PDE1C: variants seen among roughly 807,000 people sequenced by gnomAD.
The protein encoded by PDE1C is dual specificity calcium/calmodulin-dependent 3',5'-cyclic nucleotide phosphodiesterase 1C.
A neutral mutation model predicts 93.1 loss-of-function variants in PDE1C; 62 were observed. That is an observed-to-expected ratio of 0.67 (90% confidence interval 0.54 to 0.82). The LOEUF (loss-of-function observed/expected upper bound fraction) is 0.82, where lower values mean the gene tolerates loss of function less well. PDE1C is among the 40% of genes least tolerant of loss of function. The pLI, the probability that PDE1C is intolerant of heterozygous loss-of-function variation, is 0.00. For synonymous variants in PDE1C, 325 were observed against 310.1 expected (o/e 1.05, Z -0.50); for missense variants, 742 against 884.6 (o/e 0.84, Z 2.04).
intron 7 of PDE1C, among the ~76,000 whole-genome samples, chr7:31,862,788 G>A (rs761327189): frequency 6.6e-6 from 1 of 152,098 alleles, no homozygotes; most frequent in Non-Finnish European, 1.5e-5. Flanking sequence ...CAGCATATAA[G>A]TTCTCAATAC....
At chr7:31,772,551 G>A (rs1436213735) in intron 17 of PDE1C, among the ~76,000 whole-genome samples, 1 of 151,022 alleles carries the variant, frequency 6.6e-6, no homozygotes, top group African/African-American at 2.4e-5. Flanking sequence ...TTTGTCTCTG[G>A]CACCAGTTTT....
intron 2 of PDE1C, among the ~76,000 whole-genome samples, chr7:31,945,553 C>A (rs1164793878): frequency 6.6e-6 from 1 of 152,098 alleles, no homozygotes; most frequent in Non-Finnish European, 1.5e-5. Context: ...TCATTCTACT[C>A]TTCTCACTCA....
intron 2 of PDE1C, among the ~76,000 whole-genome samples, chr7:32,206,131 C>A (rs1225963635): frequency 1.3e-5 from 2 of 152,002 alleles, no homozygotes; most frequent in Non-Finnish European, 1.5e-5. Context: ...GAATTCAAAC[C>A]CCGGCTTGAC....
intron 14 of PDE1C, among the ~76,000 whole-genome samples, chr7:31,819,869 G>GA (rs1249414518): frequency 6.6e-6 from 1 of 152,000 alleles, no homozygotes; most frequent in Non-Finnish European, 1.5e-5. Context: ...AAAAAACAGA[G>GA]AAAAGAGAGA....
At chr7:31,859,119 C>A (rs1794367793) in intron 7 of PDE1C, among the ~76,000 whole-genome samples, 1 of 147,824 alleles carries the variant, frequency 6.8e-6, no homozygotes, top group Non-Finnish European at 1.5e-5. Context: ...GATGTATTGA[C>A]TATATATATA....
rs368406121 is a variant in PDE1C at position 31,753,453 on chromosome 7, G to A, written c.2061C>T (p.Tyr687=). 2.5e-6 allele frequency: 4 copies of A among 1,612,666 alleles called. No individual in the cohort carries two copies. In the South Asian group the frequency reaches 4.4e-5, roughly 18 times the overall value. The change falls in exon 18 of 18, where the codon TAC becomes TAT. Residue 687 remains tyrosine, a synonymous_variant. Coordinates refer to ENST00000396191, the MANE Select transcript of PDE1C (RefSeq NM_001191057.4). ...TTTTGATCCTCTGATCCAGCATCTT[G>A]TACCTTGCAGGATGCTCATCAGTTT... ...SKKTDEHPAR[Y]KMLDQRIKMK... is the part of the protein sequence containing the mutation.
intron 1 of PDE1C, among the ~76,000 whole-genome samples, chr7:32,263,683 T>C (rs545831627): frequency 2.6e-5 from 4 of 152,324 alleles, no homozygotes; most frequent in African/African-American, 9.6e-5. Flanking sequence ...TAGCCCTATG[T>C]AATCAGGAGC....
intron 1 of PDE1C, among the ~76,000 whole-genome samples, chr7:32,240,945 G>T (rs1808502856): frequency 6.6e-6 from 1 of 152,188 alleles, no homozygotes; most frequent in Admixed American, 6.5e-5. Flanking sequence ...AGAATCTGTG[G>T]TTGGGTTGGA....
intron 2 of PDE1C, among the ~76,000 whole-genome samples, chr7:31,960,658 G>T (rs1808811621): frequency 6.6e-6 from 1 of 152,112 alleles, no homozygotes; most frequent in South Asian, 2.1e-4. Flanking sequence ...AGCAAAACTG[G>T]TAAAATATGA....
intron 1 of PDE1C, among the ~76,000 whole-genome samples, chr7:32,224,829 T>C (rs76810501): frequency 0.16 from 24,010 of 151,770 alleles, 2,165 homozygotes; most frequent in East Asian, 0.32. Context: ...GGAAAAACAA[T>C]TGGAAAATGG....
intron 2 of PDE1C, among the ~76,000 whole-genome samples, chr7:32,179,320 C>T (rs907194017): frequency 3.3e-4 from 47 of 143,798 alleles, no homozygotes; most frequent in South Asian, 4.4e-4. Context: ...AGTGCAGTGG[C>T]GTGATCTCAG....
intron 2 of PDE1C, among the ~76,000 whole-genome samples, chr7:31,904,764 A>G (rs1016808670): frequency 3.9e-5 from 6 of 152,256 alleles, no homozygotes; most frequent in South Asian, 4.1e-4. Flanking sequence ...TTTCATGCCT[A>G]TAACTGATTA....
chr7:31,986,304 T>C (rs1226348646), intron 2 of PDE1C, among the ~76,000 whole-genome samples: 1 of 151,804 alleles, frequency 6.6e-6, no homozygotes, highest in Non-Finnish European at 1.5e-5. Context: ...ATGGCTTTCT[T>C]CTCCCTATGG....
intron 2 of PDE1C, among the ~76,000 whole-genome samples, chr7:31,923,294 A>T (rs1442439244): frequency 6.6e-6 from 1 of 152,160 alleles, no homozygotes; most frequent in Non-Finnish European, 1.5e-5. Flanking sequence ...GCATGTTAGA[A>T]TCACTTGGAG....
At chr7:31,765,994 C>A (rs536664330) in intron 17 of PDE1C, among the ~76,000 whole-genome samples, 9 of 152,156 alleles carry the variant, frequency 5.9e-5, no homozygotes, top group African/African-American at 2.2e-4. Flanking sequence ...AATAATAGTA[C>A]CTCCCTTAGA....
chr7:31,890,138 G>C (rs887988713), intron 2 of PDE1C, among the ~76,000 whole-genome samples: 1 of 152,088 alleles, frequency 6.6e-6, no homozygotes, highest in African/African-American at 2.4e-5. Context: ...AAATAAAAAA[G>C]AATGAAAAAT....
At chr7:31,967,870 T>C (rs989852567) in intron 2 of PDE1C, among the ~76,000 whole-genome samples, 1 of 152,164 alleles carries the variant, frequency 6.6e-6, no homozygotes, top group Non-Finnish European at 1.5e-5. Context: ...CATTATTATC[T>C]CAATAGATGC....
intron 2 of PDE1C, among the ~76,000 whole-genome samples, chr7:31,992,785 T>G (rs575020837): frequency 1.1e-4 from 16 of 152,318 alleles, no homozygotes; most frequent in Non-Finnish European, 2.2e-4. Flanking sequence ...AACAAACACA[T>G]GCTGAACCCT....
At chr7:31,857,506 T>C (rs951345844) in intron 7 of PDE1C, among the ~76,000 whole-genome samples, 1 of 152,146 alleles carries the variant, frequency 6.6e-6, no homozygotes, top group African/African-American at 2.4e-5. Context: ...TTACCTGGAT[T>C]TGCAAAGGTA....
Sources: gnomAD v4.1 joint callset for allele counts (sites outside exome capture counted in the v4.1 genomes callset) on GRCh38, gnomAD v4.1.1 for gene constraint, MANE v1.5 for transcripts, NCBI Gene and HGNC (gene_info 2026-07-23, HGNC 2026-07-21) for gene names.